The following GPD2 variants were observed in gnomAD, a reference collection of about 807,000 sequenced individuals.
GPD2 encodes the protein glycerol-3-phosphate dehydrogenase 2.
Under a neutral mutation model 82.4 loss-of-function variants are expected in GPD2, and 54 were observed. The observed-to-expected ratio is 0.66, with a 90% CI of 0.53 to 0.82. The LOEUF (loss-of-function observed/expected upper bound fraction) is 0.82. Ranked by LOEUF, GPD2 falls within the 40% of genes least tolerant of loss-of-function variation. GPD2 has a pLI of 0.00. For synonymous variants in GPD2, 288 were observed against 306.1 expected (o/e 0.94, Z 0.62); for missense variants, 748 against 896.2 (o/e 0.83, Z 2.11).
upstream of GPD2, chr2:156,435,520 T>A (rs1438857336): frequency 1.4e-5 from 2 of 145,158 alleles, no homozygotes; most frequent in African/African-American, 5.0e-5. Context: ...TCCCCCCACC[T>A]GTATGAGGCT....
At chr2:156,511,064 T>C in intron 4 of GPD2, 144 bp downstream of exon 4, 1 of 790,006 alleles carries the variant, frequency 1.3e-6, no homozygotes. Context: ...TGGAATATCT[T>C]TCAGGAGAGG....
At chr2:156,429,556 A>G in the GPD2 span, among the ~76,000 whole-genome samples, 1 of 152,232 alleles carries the variant, frequency 6.6e-6, no homozygotes, top group Non-Finnish European at 1.5e-5. Context: ...CTTTAAATCT[A>G]AGTAAGTTTC....
intron 2 of GPD2, among the ~76,000 whole-genome samples, chr2:156,484,520 G>T (rs1353095348): frequency 6.6e-6 from 1 of 152,074 alleles, no homozygotes; most frequent in African/African-American, 2.4e-5. Context: ...CCTGTTGATG[G>T]CAGAATAATG....
At chr2:156,469,246 A>G (rs1352497083) in intron 1 of GPD2, among the ~76,000 whole-genome samples, 1 of 151,814 alleles carries the variant, frequency 6.6e-6, no homozygotes, top group Non-Finnish European at 1.5e-5. Context: ...TGCAACCTCC[A>G]CCTCCCAGGT....
At chr2:156,510,091 T>C (rs1022466600) in intron 3 of GPD2, among the ~76,000 whole-genome samples, 4 of 152,150 alleles carry the variant, frequency 2.6e-5, no homozygotes, top group African/African-American at 9.7e-5. Context: ...CAAGAATATA[T>C]TCTTTACTCA....
At chr2:156,472,271 T>C (rs1050730530) in intron 1 of GPD2, among the ~76,000 whole-genome samples, 14 of 152,148 alleles carry the variant, frequency 9.2e-5, no homozygotes, top group African/African-American at 3.4e-4. Flanking sequence ...CAGCATTTGG[T>C]TTATATAGTT....
Position 156,583,060 on chromosome 2 carries a change from G to C in GPD2, c.*142G>C. 1.2e-6 allele frequency: 1 copy of C among 869,564 alleles called. No individual in the cohort carries two copies. Among genetic ancestry groups the C allele is most frequent in the South Asian group, 1.4e-5 (1 of 70,094 alleles). The allele number at this position is 869,564 out of a possible 1,614,324, so 53.9% of individuals were successfully genotyped here. On this transcript the variant is annotated 3_prime_UTR_variant, in exon 17 of 17. Coordinates refer to ENST00000438166, the MANE Select transcript of GPD2 (RefSeq NM_000408.5). ...CTAGAAAACATTCCAAAACTTTAAG[G>C]TGTTGGTGTATTTGCCAGCTTTATT...
At chr2:156,412,387 C>T in the GPD2 span, among the ~76,000 whole-genome samples, 3 of 150,088 alleles carry the variant, frequency 2.0e-5, no homozygotes, top group Non-Finnish European at 3.0e-5. Flanking sequence ...TGCAGTGAGC[C>T]GAGATCTTGC....
intron 1 of GPD2, among the ~76,000 whole-genome samples, chr2:156,450,592 T>C (rs1682519969): frequency 6.6e-6 from 1 of 152,100 alleles, no homozygotes; most frequent in African/African-American, 2.4e-5. Context: ...ATTTGACATA[T>C]AGTTTAAGAA....
intron 1 of GPD2, among the ~76,000 whole-genome samples, chr2:156,467,810 C>T (rs1442396330): frequency 6.6e-6 from 1 of 152,136 alleles, no homozygotes; most frequent in Non-Finnish European, 1.5e-5. Context: ...TGTGCCTCTT[C>T]TGTTTGACTG....
chr2:156,404,936 G>GA, the GPD2 span, among the ~76,000 whole-genome samples: 1 of 151,976 alleles, frequency 6.6e-6, no homozygotes, highest in Non-Finnish European at 1.5e-5. Context: ...AAAACCATGA[G>GA]AAAATTTTTA....
intron 8 of GPD2, among the ~76,000 whole-genome samples, chr2:156,552,593 T>G (rs1396485217): frequency 1.3e-5 from 2 of 152,212 alleles, no homozygotes; most frequent in African/African-American, 4.8e-5. Context: ...TTGTGTGCCT[T>G]ATGTTTTCTT....
At chr2:156,524,325 CAATG>C (rs1045679050) in intron 6 of GPD2, among the ~76,000 whole-genome samples, 41 of 152,298 alleles carry the variant, frequency 2.7e-4, no homozygotes, top group African/African-American at 9.6e-4. Flanking sequence ...TGGCTTAAAA[CAATG>C]ATTGGTTATT....
At chr2:156,548,136 A>G (rs1686619826) in intron 6 of GPD2, among the ~76,000 whole-genome samples, 1 of 152,156 alleles carries the variant, frequency 6.6e-6, no homozygotes, top group Non-Finnish European at 1.5e-5. Context: ...TATAATGGAA[A>G]TTTTATTTAG....
At chr2:156,425,911 G>A in the GPD2 span, among the ~76,000 whole-genome samples, 11 of 151,394 alleles carry the variant, frequency 7.3e-5, no homozygotes, top group East Asian at 1.9e-4. Flanking sequence ...AAGAACTGCC[G>A]GAGTCTGGGT....
upstream of GPD2, among the ~76,000 whole-genome samples, chr2:156,433,561 G>T (rs1002844501): frequency 6.6e-6 from 1 of 152,168 alleles, no homozygotes; most frequent in African/African-American, 2.4e-5. Flanking sequence ...CTCCACGAAT[G>T]CTCCGGAGTC....
At chr2:156,472,264 C>T (rs752484447) in intron 1 of GPD2, among the ~76,000 whole-genome samples, 2 of 152,042 alleles carry the variant, frequency 1.3e-5, no homozygotes, top group Non-Finnish European at 2.9e-5. Context: ...TTGTCCACAG[C>T]ATTTGGTTTA....
At chr2:156,428,221 G>A in the GPD2 span, among the ~76,000 whole-genome samples, 1 of 152,196 alleles carries the variant, frequency 6.6e-6, no homozygotes, top group Non-Finnish European at 1.5e-5. Context: ...TCATTAGGCT[G>A]CAGACTTTGC....
chr2:156,545,125 TACAC>T (rs1686480949), intron 6 of GPD2, among the ~76,000 whole-genome samples: 1 of 152,098 alleles, frequency 6.6e-6, no homozygotes, highest in African/African-American at 2.4e-5. Context: ...CACGCATGCC[TACAC>T]ACACTCATTC....
Sources: gnomAD v4.1 joint callset for allele counts (sites outside exome capture counted in the v4.1 genomes callset) on GRCh38, gnomAD v4.1.1 for gene constraint, MANE v1.5 for transcripts, NCBI Gene and HGNC (gene_info 2026-07-23, HGNC 2026-07-21) for gene names.